FANCB: variants seen among roughly 807,000 people sequenced by gnomAD.
FANCB encodes the protein FA complementation group B, also known as Fanconi anemia group B protein.
A neutral mutation model predicts 38.9 loss-of-function variants in FANCB; 5 were observed. That is an observed-to-expected ratio of 0.13 (90% CI 0.07 to 0.27). The LOEUF (loss-of-function observed/expected upper bound fraction) is 0.27, where lower values mean the gene tolerates loss of function less well. Among genes scored for constraint, FANCB ranks in the 10% least tolerant of loss-of-function variants. The pLI is 1.00. For missense variants in FANCB, 573 were observed against 602.7 expected, an observed-to-expected ratio of 0.95 and a Z score of 0.52; for synonymous variants, 236 against 215.4, an observed-to-expected ratio of 1.10 and a Z score of -0.84.
At chrX:14,730,134 A>G in the FANCB span, 1 of 793,054 alleles carries the variant, frequency 1.3e-6, no homozygotes, top group African/African-American at 2.0e-5. Flanking sequence ...TTTTACTTCT[A>G]AAGAATTTTA....
chrX:14,691,403 G>A, the FANCB span, among the ~76,000 whole-genome samples: 2 of 109,422 alleles, frequency 1.8e-5, no homozygotes, highest in South Asian at 4.0e-4. Context: ...AAATTATGCC[G>A]TACCCATGTA....
chrX:14,859,878 G>A (rs2092439354), intron 3 of FANCB, among the ~76,000 whole-genome samples: 1 of 111,352 alleles, frequency 9.0e-6, no homozygotes, highest in African/African-American at 3.3e-5. Context: ...AGCTCTTAAT[G>A]GAAAATAACC....
chrX:14,784,140 G>T, the FANCB span, among the ~76,000 whole-genome samples: 2 of 112,461 alleles, frequency 1.8e-5, no homozygotes, highest in Non-Finnish European at 3.8e-5. Context: ...AACCTGGAAG[G>T]CGGAGGTTGC....
chrX:14,716,993 C>A, the FANCB span, among the ~76,000 whole-genome samples: 1 of 110,571 alleles, frequency 9.0e-6, no homozygotes, highest in African/African-American at 3.3e-5. Flanking sequence ...AAAAATATGC[C>A]TCCTATTATA....
At chrX:14,839,913 T>G (rs1269255859), downstream of FANCB, among the ~76,000 whole-genome samples, 4 of 110,024 alleles carry the variant, frequency 3.6e-5, no homozygotes, top group Non-Finnish European at 5.7e-5. Context: ...TGCAGTGCAG[T>G]GGCGCGATCT....
chrX:14,744,910 C>T, the FANCB span, among the ~76,000 whole-genome samples: 1 of 110,813 alleles, frequency 9.0e-6, no homozygotes, highest in East Asian at 2.8e-4. Context: ...CTCAAGGTAA[C>T]TTTTAATGTA....
chrX:14,794,395 C>T, the FANCB span, among the ~76,000 whole-genome samples: 1 of 111,171 alleles, frequency 9.0e-6, no homozygotes, highest in African/African-American at 3.3e-5. Context: ...AGTTGAGTCA[C>T]TATGTTGAAA....
chrX:14,839,768 A>G (rs887653990), downstream of FANCB, among the ~76,000 whole-genome samples: 4 of 111,154 alleles, frequency 3.6e-5, no homozygotes, highest in African/African-American at 1.3e-4. Flanking sequence ...CCCTTGCTTT[A>G]TTCTCTGGCA....
chrX:14,871,028 GTT>G (rs2092493927), intron 1 of FANCB, among the ~76,000 whole-genome samples: 1 of 110,990 alleles, frequency 9.0e-6, no homozygotes, highest in Non-Finnish European at 1.9e-5. Context: ...ACTGTTAAAA[GTT>G]TTTTTCTCCC....
chrX:14,864,998 C>A lies in FANCB; in HGVS notation c.513G>T (p.Gln171His). The change falls in exon 3 of 10, where the codon CAG (glutamine) becomes CAT (histidine). Residue 171 changes from glutamine to histidine, a missense_variant. By Grantham distance (24) the Gln-to-His change is conservative. Transcript: ENST00000650831. Reference protein sequence around the residue: ...VSVSGNFSSIQWAGEIENLGM... With the variant: ...VSVSGNFSSIHWAGEIENLGM... The stretch of plus-strand genomic sequence containing the variant: ...CTAAATTTTCAATCTCCCCTGCCCA[C>A]TGAATAGAGGAAAAGTTACCTGACA... 1 of 1,211,145 alleles carries A rather than the reference C, an allele frequency of 8.3e-7. No individual in the cohort carries two copies. The highest frequency in any genetic ancestry group is 1.8e-5 in the South Asian group (1 of 56,934).
At chrX:14,802,458 G>A in the FANCB span, among the ~76,000 whole-genome samples, 9 of 111,571 alleles carry the variant, frequency 8.1e-5, no homozygotes, top group Non-Finnish European at 1.1e-4. Context: ...GTAGTTATGG[G>A]AAACCACTGA....
At chrX:14,733,653 T>C in the FANCB span, among the ~76,000 whole-genome samples, 4 of 112,268 alleles carry the variant, frequency 3.6e-5, no homozygotes, top group Non-Finnish European at 7.5e-5. Flanking sequence ...TAATTCATCA[T>C]TTGACTCTCT....
At chrX:14,774,132 AATT>A in the FANCB span, among the ~76,000 whole-genome samples, 141 of 112,272 alleles carry the variant, frequency 1.3e-3, 1 homozygote, top group African/African-American at 4.2e-3. Flanking sequence ...TAAAAATTTA[AATT>A]ATTGTTTTAT....
At chrX:14,791,244 C>A in the FANCB span, among the ~76,000 whole-genome samples, 1 of 111,764 alleles carries the variant, frequency 8.9e-6, no homozygotes, top group Non-Finnish European at 1.9e-5. Context: ...AAAATGAGGT[C>A]ATTATGGTTG....
Position 14,845,079 on chromosome X carries a change from G to C in FANCB, c.1704C>G (p.His568Gln). ...SKKEESFVCE[H>Q]PSKKECVQII... Reference sequence around the variant, plus strand: ...TCTGTACACACTCTTTCTTAGATGGGTGTTCACAAACAAAGCTTTCCTCTT... The same window carrying C: ...TCTGTACACACTCTTTCTTAGATGGCTGTTCACAAACAAAGCTTTCCTCTT... The change falls in exon 8 of 10, where the codon CAC becomes CAG. Residue 568 changes from histidine to glutamine, a missense_variant. Transcript: ENST00000650831. 8.3e-7 allele frequency: 1 copy of C among 1,209,043 alleles called. No homozygotes were observed. The highest frequency in any genetic ancestry group is 1.1e-6 in the Non-Finnish European group (1 of 892,895).
the FANCB span, among the ~76,000 whole-genome samples, chrX:14,824,370 T>G: frequency 1.1e-4 from 12 of 111,702 alleles, no homozygotes; most frequent in Admixed American, 9.5e-4. Context: ...TCTTTTACGG[T>G]TTTTTTTACA....
chrX:14,740,381 C>A, the FANCB span, among the ~76,000 whole-genome samples: 1 of 111,225 alleles, frequency 9.0e-6, no homozygotes, highest in Non-Finnish European at 1.9e-5. Context: ...CATGATCTCC[C>A]ATCATGCTCG....
intron 3 of FANCB, among the ~76,000 whole-genome samples, chrX:14,862,847 G>A (rs1488692121): frequency 2.7e-5 from 3 of 111,754 alleles, no homozygotes; most frequent in Non-Finnish European, 5.6e-5. Flanking sequence ...GCTCAGTTGG[G>A]ATTCAAACCC....
At chrX:14,816,094 G>C in the FANCB span, among the ~76,000 whole-genome samples, 2 of 111,736 alleles carry the variant, frequency 1.8e-5, no homozygotes, top group Non-Finnish European at 3.8e-5. Flanking sequence ...GCTATACTAA[G>C]AGCCCAGACT....
Sources: allele counts gnomAD v4.1 joint callset (sites outside exome capture counted in the v4.1 genomes callset), GRCh38; gene constraint gnomAD v4.1.1; transcripts MANE v1.5; gene names NCBI Gene and HGNC (gene_info 2026-07-23, HGNC 2026-07-21).